RGL2: variants seen among roughly 807,000 people sequenced by gnomAD.
RGL2 encodes the protein ral guanine nucleotide dissociation stimulator like 2, also known as ral guanine nucleotide dissociation stimulator-like 2.
In RGL2, 40 loss-of-function variants were observed where a neutral mutation model predicts 84.6. The observed-to-expected ratio is 0.47, with a 90% CI of 0.37 to 0.62. RGL2 has a LOEUF of 0.62. RGL2 is among the 20% of genes least tolerant of loss of function. RGL2 has a pLI of 0.00. For synonymous variants in RGL2, 369 were observed against 417.3 expected (o/e 0.88, Z 1.41); for missense variants, 865 against 1,019.7 (o/e 0.85, Z 2.07).
Position 33,298,484 on chromosome 6 carries a change from G to GC in RGL2, c.126dup (p.Gln43AlafsTer18). ...TCTTCTTCCTCCTCCTCTTCCTCCT[G>GC]CCCCCCGCCCACGACCAGGCCACCT... On this transcript the variant is annotated frameshift_variant, in exon 2 of 18. Coordinates refer to ENST00000497454, the MANE Select transcript of RGL2 (RefSeq NM_004761.5). LOFTEE classifies it high-confidence loss of function. This position sits in a 1 kb window ranked among gnomAD's most constrained non-coding sequence, Gnocchi z 4.8. The GC allele has an allele frequency of 1.3e-6, 2 of 1,514,714 alleles. No homozygotes were observed. The highest frequency in any genetic ancestry group is 1.4e-5 in the African/African-American group (1 of 71,112). 93.8% of individuals were successfully genotyped at this position (1,514,714 alleles called of 1,614,324 possible). A position where few individuals can be genotyped will look rare whatever the true frequency, so the allele number is the denominator to read the frequency against.
rs751037092 is a variant in RGL2, at chr6:33,295,992, G to A, written c.768+36C>T. On this transcript the variant is annotated intron_variant, in intron 6 of 17. Coordinates refer to ENST00000497454, the MANE Select transcript of RGL2 (RefSeq NM_004761.5). The surrounding 1 kb of genome is among the most constrained non-coding windows in gnomAD (Gnocchi z 7.2). ...GGAGTCAAGGAGAGGTTAGTAAGGG[G>A]TCAGGGGGCATAGGGGCCAGAGGTC... 5.0e-6 allele frequency: 8 copies of A among 1,611,512 alleles called. No individual in the cohort carries two copies. The highest frequency in any genetic ancestry group is 4.4e-5 in the South Asian group (4 of 90,834).
chr6:33,294,681 C>T lies in RGL2; in HGVS notation c.1353+7G>A. The T allele has an allele frequency of 6.2e-7, 1 of 1,613,912 alleles. No homozygotes were observed. The highest frequency in any genetic ancestry group is 8.5e-7 in the Non-Finnish European group (1 of 1,179,952). On this transcript the variant is annotated splice_region_variant and intron_variant, in intron 11 of 17. Coordinates refer to ENST00000497454, the MANE Select transcript of RGL2 (RefSeq NM_004761.5). This position sits in a 1 kb window ranked among gnomAD's most constrained non-coding sequence, Gnocchi z 5.0. The stretch of plus-strand genomic sequence containing the variant: ...TCATTGCAATGACACACACACACAC[C>T]ACTGACCTCCAACTCATCCTTGGAG...
At position 33,293,163 on chromosome 6, in the gene RGL2, A is replaced by C. The variant is rs1258747461; in HGVS notation, c.1860T>G (p.Cys620Trp). The change falls in exon 16 of 18, where the codon TGT becomes TGG. Residue 620 changes from cysteine (C) to tryptophan (W), a missense_variant. Coordinates refer to ENST00000497454, the MANE Select transcript of RGL2 (RefSeq NM_004761.5). This position sits in a 1 kb window ranked among gnomAD's most constrained non-coding sequence, Gnocchi z 7.0. ...CTGCACCCCCACTCAGCGGGGAGCCACAGGAGGCTGAGCGGCGGTGACCTC... is the reference window on the plus strand; with the variant it reads ...CTGCACCCCCACTCAGCGGGGAGCCCCAGGAGGCTGAGCGGCGGTGACCTC... Reference protein sequence around the residue: ...PSRGHRRSASCGSPLSGGAEE... With the variant: ...PSRGHRRSASWGSPLSGGAEE... 6.2e-7 allele frequency: 1 copy of C among 1,608,172 alleles called. No homozygotes were observed.
In RGL2 at chr6:33,294,149, C is replaced by A; in HGVS notation, c.1354-83G>T. The stretch of plus-strand genomic sequence containing the variant: ...GAGAATATCCCCTCTCTTAAACACA[C>A]ACAGCCACATCCAACTCACAACCAC... On this transcript the variant is annotated intron_variant, in intron 11 of 17. Transcript: ENST00000497454. This position sits in a 1 kb window ranked among gnomAD's most constrained non-coding sequence, Gnocchi z 5.0. The A allele has an allele frequency of 6.6e-7, 1 of 1,507,202 alleles. No homozygotes were observed. The highest frequency in any genetic ancestry group is 1.8e-5 in the Admixed American group (1 of 54,278). 93.4% of individuals were successfully genotyped at this position (1,507,202 alleles called of 1,614,324 possible).
At position 33,297,135 on chromosome 6, in the gene RGL2, GA is replaced by G; in HGVS notation, c.157-21del. ...AGGGGCCTGGAGGAGCAAGGAAGGG[GA>G]AGTCAGACAGTTCCACACCACCCCC... On this transcript the variant is annotated intron_variant, in intron 2 of 17. Coordinates refer to ENST00000497454, the MANE Select transcript of RGL2 (RefSeq NM_004761.5). This position sits in a 1 kb window ranked among gnomAD's most constrained non-coding sequence, Gnocchi z 4.0. The G allele has an allele frequency of 6.5e-7, 1 of 1,532,838 alleles. No homozygotes were observed. The highest frequency in any genetic ancestry group is 1.3e-5 in the South Asian group (1 of 76,478). 95.0% of individuals were successfully genotyped at this position (1,532,838 alleles called of 1,614,324 possible).
Position 33,296,194 on chromosome 6 carries a change from C to CCAA in RGL2, c.599_601dup (p.Val200dup). 6.2e-7 allele frequency: 1 copy of CCAA among 1,613,940 alleles called. No individual in the cohort carries two copies. The highest frequency in any genetic ancestry group is 8.5e-7 in the Non-Finnish European group (1 of 1,179,900). ...GCGGATGAGGTCAGCGCTGCCCCCC[C>CCAA]CAACACCCTTCCCTGCTGCATACCC... On this transcript the variant is annotated inframe_insertion, in exon 6 of 18. Transcript: ENST00000497454. The surrounding 1 kb of genome is among the most constrained non-coding windows in gnomAD (Gnocchi z 5.0).
Position 33,291,784 on chromosome 6 carries a change from T to C in RGL2, c.*318A>G, listed in dbSNP as rs1330792267. On this transcript the variant is annotated 3_prime_UTR_variant, in exon 18 of 18. Transcript: ENST00000497454. ...CCCTCTGCCCTGGGGCTCAGAGCCT[T>C]GAAGCCTTTGCTTGGCCCTTGCATG... The C allele has an allele frequency of 9.4e-6, 5 of 530,850 alleles. No individual in the cohort carries two copies. In the African/African-American group the frequency reaches 9.6e-5, roughly 10 times the overall value. 32.9% of individuals were successfully genotyped at this position (530,850 alleles called of 1,614,324 possible). A position where few individuals can be genotyped will look rare whatever the true frequency, so the allele number is the denominator to read the frequency against.
chr6:33,291,865 C>G lies in RGL2; in HGVS notation c.*237G>C, dbSNP rs1048807645. On this transcript the variant is annotated 3_prime_UTR_variant, in exon 18 of 18. Transcript: ENST00000497454. The stretch of plus-strand genomic sequence containing the variant: ...GCGTTTTTCCAGCACTACCTGTGTG[C>G]TGCACTCATGGAAGGTGGGAAGCTA... 8.5e-5 allele frequency: 51 copies of G among 601,756 alleles called. No homozygotes were observed. Among genetic ancestry groups the G allele is most frequent in the Non-Finnish European group, 3.5e-5 (12 of 338,576 alleles). The allele number at this position is 601,756 out of a possible 1,614,324, so 37.3% of individuals were successfully genotyped here.
At chr6:33,292,866 G>A (rs1767549140) in intron 16 of RGL2, 150 bp downstream of exon 16, 3 of 996,140 alleles carry the variant, frequency 3.0e-6, no homozygotes, top group Admixed American at 4.7e-5. Flanking sequence ...GAGTTTAGAA[G>A]ATAAAATTAA....
In RGL2 at chr6:33,296,858, A is replaced by G. The variant is rs1402316390; in HGVS notation, c.241-82T>C. 1.9e-6 allele frequency: 3 copies of G among 1,579,656 alleles called. No individual in the cohort carries two copies. In the Admixed American group the frequency reaches 5.0e-5, roughly 26 times the overall value. Reference sequence around the variant, plus strand: ...CTGAGGACAATCCCAGACCCAGGAGATGTTCCAGACTCATTTTTCTGATAT... The same window carrying G: ...CTGAGGACAATCCCAGACCCAGGAGGTGTTCCAGACTCATTTTTCTGATAT... On this transcript the variant is annotated intron_variant, in intron 3 of 17. Transcript: ENST00000497454. The surrounding 1 kb of genome is among the most constrained non-coding windows in gnomAD (Gnocchi z 5.0).
chr6:33,296,915 C>A lies in RGL2; in HGVS notation c.240+117G>T, dbSNP rs533314396. On this transcript the variant is annotated intron_variant, in intron 3 of 17. Transcript: ENST00000497454. This position sits in a 1 kb window ranked among gnomAD's most constrained non-coding sequence, Gnocchi z 5.0. ...AGGGCAAGAGTCTTGGCCTATGTCA[C>A]ACAGCAGAGTCCAGGACTCCAGAAC... 1 of 1,480,066 alleles carries A rather than the reference C, an allele frequency of 6.8e-7. No individual in the cohort carries two copies. The highest frequency in any genetic ancestry group is 1.1e-5 in the South Asian group (1 of 88,022). The allele number at this position is 1,480,066 out of a possible 1,614,324, so 91.7% of individuals were successfully genotyped here.
At position 33,295,187 on chromosome 6, in the gene RGL2, G is replaced by C; in HGVS notation, c.1149C>G (p.Ser383Arg). 2.5e-6 allele frequency: 4 copies of C among 1,605,528 alleles called. No individual in the cohort carries two copies. The highest frequency in any genetic ancestry group is 3.4e-6 in the Non-Finnish European group (4 of 1,175,700). Residue 383 changes from serine (S) to arginine (R), a missense_variant, in exon 9 of 18, where the codon AGC becomes AGG. By Grantham distance (110) the Ser-to-Arg change is moderately radical. This residue lies in a region of RGL2 where 455 missense variants were observed against 507.8 expected (regional missense o/e 0.90). Coordinates refer to ENST00000497454, the MANE Select transcript of RGL2 (RefSeq NM_004761.5). This position sits in a 1 kb window ranked among gnomAD's most constrained non-coding sequence, Gnocchi z 7.2. ...CCTCCTCGGAGAAAATCTGGCAGAG[G>C]CTGGAAAAGACTCTGAGGCTGTCCC... ...ATRDSLRVFS[S>R]LCQIFSEEDN...
At position 33,293,006 on chromosome 6, in the gene RGL2, G is replaced by T. The variant is rs757174678; in HGVS notation, c.2007+10C>A. The T allele has an allele frequency of 1.2e-6, 2 of 1,613,958 alleles. No individual in the cohort carries two copies. Among genetic ancestry groups the T allele is most frequent in the Non-Finnish European group, 1.7e-6 (2 of 1,179,976 alleles). ...TCCTTCACCCCAACTCCATCCCAAGGCTCCCTCACCAAAATGCTCTTATAG... is the reference window on the plus strand; with the variant it reads ...TCCTTCACCCCAACTCCATCCCAAGTCTCCCTCACCAAAATGCTCTTATAG... On this transcript the variant is annotated intron_variant, in intron 16 of 17. Coordinates refer to ENST00000497454, the MANE Select transcript of RGL2 (RefSeq NM_004761.5). The surrounding 1 kb of genome is among the most constrained non-coding windows in gnomAD (Gnocchi z 7.0).
rs551404853 is a variant in RGL2, at chr6:33,292,029, T to G, written c.*73A>C. On this transcript the variant is annotated 3_prime_UTR_variant, in exon 18 of 18. Coordinates refer to ENST00000497454, the MANE Select transcript of RGL2 (RefSeq NM_004761.5). ...AATTTCTGTCTCAATGTGATATAAT[T>G]GCCACCATTCAGGATGGCTACCCAC... is the stretch of plus-strand genomic sequence containing the variant. 4.7e-4 allele frequency: 701 copies of G among 1,498,376 alleles called. 9 individuals carry two copies. The East Asian group carries it at 0.011, about 24-fold the overall frequency. The allele number at this position is 1,498,376 out of a possible 1,614,324, so 92.8% of individuals were successfully genotyped here.
chr6:33,300,852 G>A (rs1768515630), upstream of RGL2: 1 of 150,750 alleles, frequency 6.6e-6, no homozygotes, highest in South Asian at 2.1e-4. Context: ...TGTAGTCCGA[G>A]CTACTTGGGA....
upstream of RGL2, chr6:33,299,041 A>C (rs576380203): frequency 1.0e-3 from 157 of 155,268 alleles, 1 homozygote; most frequent in Middle Eastern, 9.9e-3. This position sits in a 1 kb window ranked among gnomAD's most constrained non-coding sequence, Gnocchi z 5.0. Context: ...CTCCGAGAGC[A>C]GGAGCCAAAA....
Position 33,296,756 on chromosome 6 carries a change from A to G in RGL2, c.261T>C (p.Arg87=), listed in dbSNP as rs1768006000. 6.2e-7 allele frequency: 1 copy of G among 1,613,872 alleles called. No individual in the cohort carries two copies. The highest frequency in any genetic ancestry group is 8.5e-7 in the Non-Finnish European group (1 of 1,180,004). The change falls in exon 4 of 18, where the codon CGT becomes CGC. Residue 87 remains arginine (R), a synonymous_variant. Coordinates refer to ENST00000497454, the MANE Select transcript of RGL2 (RefSeq NM_004761.5). The surrounding 1 kb of genome is among the most constrained non-coding windows in gnomAD (Gnocchi z 5.0). ...LDPLVPMPPP[R]SSRRLRAGTL... ...TGCCAGCTCGGAGCCGTCGGGAGGAACGTGGGGGAGGCATAGGGACCTGGA... is the reference window on the plus strand; with the variant it reads ...TGCCAGCTCGGAGCCGTCGGGAGGAGCGTGGGGGAGGCATAGGGACCTGGA...
In RGL2 at chr6:33,294,471, T is replaced by A. The variant is rs1199701781; in HGVS notation, c.1353+217A>T. On this transcript the variant is annotated intron_variant, in intron 11 of 17. Transcript: ENST00000497454. This position sits in a 1 kb window ranked among gnomAD's most constrained non-coding sequence, Gnocchi z 5.0. ...AGGCACGTTCTAAGCACTTGACAAA[T>A]ACAAATTCATTTAACCCTTATAACA... Among the ~76,000 whole-genome samples, 1 of 152,158 alleles carries A rather than the reference T, an allele frequency of 6.6e-6. No individual in the cohort carries two copies. The highest frequency in any genetic ancestry group is 1.5e-5 in the Non-Finnish European group (1 of 68,036).
rs1768273313 is a variant in RGL2, at chr6:33,298,751, A to G, written c.-41-100T>C. On this transcript the variant is annotated intron_variant, in intron 1 of 17. Coordinates refer to ENST00000497454, the MANE Select transcript of RGL2 (RefSeq NM_004761.5). This position sits in a 1 kb window ranked among gnomAD's most constrained non-coding sequence, Gnocchi z 4.8. ...GTGGGTGTCAAGAAGACCGGAAGGGAGTTCTGCAGGAAGGTTGGGGGAGGG... is the reference window on the plus strand; with the variant it reads ...GTGGGTGTCAAGAAGACCGGAAGGGGGTTCTGCAGGAAGGTTGGGGGAGGG... 2.0e-6 allele frequency: 1 copy of G among 498,262 alleles called. No individual in the cohort carries two copies. The highest frequency in any genetic ancestry group is 3.5e-6 in the Non-Finnish European group (1 of 288,776). The allele number at this position is 498,262 out of a possible 1,614,324, so 30.9% of individuals were successfully genotyped here.
Sources: allele counts gnomAD v4.1 joint callset (sites outside exome capture counted in the v4.1 genomes callset), GRCh38; gene constraint gnomAD v4.1.1; regional missense constraint gnomAD v4.1.1; non-coding constraint Gnocchi (gnomAD v3.1); transcripts MANE v1.5; gene names NCBI Gene and HGNC (gene_info 2026-07-23, HGNC 2026-07-21).